USP24: variants seen among roughly 807,000 people sequenced by gnomAD.
USP24 encodes ubiquitin carboxyl-terminal hydrolase 24.
A neutral mutation model predicts 361.6 loss-of-function variants in USP24; 97 were observed. That is an observed-to-expected ratio of 0.27 (90% CI 0.23 to 0.32). The LOEUF (loss-of-function observed/expected upper bound fraction) is 0.32. USP24 is among the 10% of genes least tolerant of loss of function. The pLI, the probability that USP24 is intolerant of heterozygous loss-of-function variation, is 1.00. For missense variants in USP24, 2,353 were observed against 3,165.6 expected (o/e 0.74, Z 6.16); for synonymous variants, 1,098 against 1,124.6 (o/e 0.98, Z 0.47).
At chr1:55,143,999 G>A (rs1646961653) in intron 21 of USP24, 128 bp downstream of exon 21, 1 of 688,926 alleles carries the variant, frequency 1.5e-6, no homozygotes, top group Non-Finnish European at 2.3e-6. Context: ...GAAGCTGGCA[G>A]TCAAGGAGAT....
chr1:55,089,316 G>A lies in USP24; in HGVS notation c.6668+311C>T, dbSNP rs554679283. Among the ~76,000 whole-genome samples, 16 of 152,248 alleles carry A rather than the reference G, an allele frequency of 1.1e-4. 1 individual carries two copies. In the East Asian group the frequency reaches 2.3e-3, roughly 22 times the overall value. ...TGTTTCTCTCTTTCCACCAGATTCC[G>A]AGTCCCTGAGGGAAGAGACTTGCGT... On this transcript the variant is annotated intron_variant, in intron 55 of 67. Transcript: ENST00000294383.
At chr1:55,153,077 G>T (rs6697806) in intron 16 of USP24, among the ~76,000 whole-genome samples, 1,812 of 152,252 alleles carry the variant, frequency 0.012, 40 homozygotes, top group African/African-American at 0.042. Flanking sequence ...CCAGTGCTAG[G>T]CTTTAAGTTT....
intron 39 of USP24, among the ~76,000 whole-genome samples, chr1:55,108,383 G>A (rs1645851525): frequency 6.6e-6 from 1 of 152,198 alleles, no homozygotes; most frequent in African/African-American, 2.4e-5. Flanking sequence ...TGAGAAGCAA[G>A]CAGGGTCTCC....
At chr1:55,199,641 CAG>C (rs56724147) in intron 1 of USP24, among the ~76,000 whole-genome samples, 2 of 139,216 alleles carry the variant, frequency 1.4e-5, no homozygotes, top group Non-Finnish European at 3.1e-5. Context: ...GAGAGACAGA[CAG>C]AGAGAGAAGC....
intron 16 of USP24, among the ~76,000 whole-genome samples, 198 bp downstream of exon 16, chr1:55,153,672 A>AT (rs1351801159): frequency 3.9e-5 from 6 of 151,968 alleles, no homozygotes; most frequent in African/African-American, 4.8e-5. Flanking sequence ...GTGATCCTAG[A>AT]TTTTTTTTCC....
chr1:55,080,746 C>T (rs185406939), intron 59 of USP24, among the ~76,000 whole-genome samples: 2 of 152,192 alleles, frequency 1.3e-5, no homozygotes, highest in East Asian at 1.9e-4. Context: ...TCATATAGGA[C>T]AATTTGTGGT....
intron 55 of USP24, 178 bp from the exon 56 acceptor site, chr1:55,086,216 C>G (rs1011983117): frequency 1.6e-6 from 1 of 614,658 alleles, no homozygotes; most frequent in Non-Finnish European, 2.9e-6. Context: ...TTCCTGCTAA[C>G]TGTAATGCCA....
At chr1:55,157,649 A>G (rs1287418721) in intron 10 of USP24, among the ~76,000 whole-genome samples, 1 of 152,104 alleles carries the variant, frequency 6.6e-6, no homozygotes, top group East Asian at 1.9e-4. Context: ...CCTGGCCAAC[A>G]TGGAGAAACC....
intron 39 of USP24, among the ~76,000 whole-genome samples, chr1:55,108,001 G>A (rs969918068): frequency 6.6e-6 from 1 of 152,064 alleles, no homozygotes; most frequent in African/African-American, 2.4e-5. Context: ...CATATGCTGA[G>A]GCTATAAGAT....
chr1:55,177,218 T>C (rs77127599), intron 2 of USP24, among the ~76,000 whole-genome samples: 5,488 of 152,320 alleles, frequency 0.036, 100 homozygotes, highest in African/African-American at 0.044. Context: ...CAGATTTGTG[T>C]CTGGCACAAT....
intron 63 of USP24, 64 bp from the exon 64 acceptor site, chr1:55,073,970 A>G (rs1452345795): frequency 1.1e-5 from 15 of 1,324,832 alleles, no homozygotes; most frequent in Non-Finnish European, 1.6e-5. Flanking sequence ...TCCAAGTGAC[A>G]ACAAGCTCTC....
In USP24 at chr1:55,172,406, G is replaced by C. The variant is rs765558698; in HGVS notation, c.673C>G (p.Pro225Ala). 5 of 1,612,852 alleles carry C rather than the reference G, an allele frequency of 3.1e-6. No homozygotes were observed. In the South Asian group the frequency reaches 5.5e-5, roughly 18 times the overall value. The change falls in exon 4 of 68, where the codon CCC (proline) becomes GCC (alanine). Residue 225 changes from proline to alanine, a missense_variant. By Grantham distance (27) the Pro-to-Ala change is conservative. Coordinates refer to ENST00000294383, the MANE Select transcript of USP24 (RefSeq NM_015306.3). ...GTAAGCACACCCAGGAGACCAGTGG[G>C]AATTGGATCTTGTTTTATTCTCTCT... ...VAERIKQDPI[P>A]TGLLGVLTMA...
At position 55,162,215 on chromosome 1, in the gene USP24, T is replaced by C. The variant is rs985517176; in HGVS notation, c.977A>G (p.Asn326Ser). The C allele has an allele frequency of 3.6e-5, 57 of 1,595,942 alleles. No individual in the cohort carries two copies. Among genetic ancestry groups the C allele is most frequent in the Non-Finnish European group, 4.3e-5 (50 of 1,172,620 alleles). Residue 326 changes from asparagine to serine, a missense_variant, in exon 8 of 68, where the codon AAT (asparagine) becomes AGT (serine). Asn to Ser is a conservative substitution (Grantham distance 46). Transcript: ENST00000294383. ...QPLGVCAEYLNSSVVQPMLDP... is the reference protein window; with the variant it reads ...QPLGVCAEYLSSSVVQPMLDP... ...TAATCCTACCTGTACCACGGAGGAA[T>C]TGAGGTACTCTGCACACACTCCTAA...
intron 53 of USP24, 27 bp from the exon 54 acceptor site, chr1:55,092,153 T>A: frequency 6.7e-7 from 1 of 1,501,650 alleles, no homozygotes. Context: ...TGAAAGAGGA[T>A]ATTTTTCACA....
Position 55,142,964 on chromosome 1 carries a change from T to G in USP24, c.2580+15A>C, listed in dbSNP as rs969412804. On this transcript the variant is annotated intron_variant, in intron 22 of 67. Coordinates refer to ENST00000294383, the MANE Select transcript of USP24 (RefSeq NM_015306.3). ...CTTTTTTGTATATGGATAACTTCTT[T>G]CCTTAGATACCTACCTTCTTTAATC... is the stretch of plus-strand genomic sequence containing the variant. 6.7e-7 allele frequency: 1 copy of G among 1,488,614 alleles called. No homozygotes were observed. The highest frequency in any genetic ancestry group is 9.0e-7 in the Non-Finnish European group (1 of 1,106,898). The allele number at this position is 1,488,614 out of a possible 1,614,324, so 92.2% of individuals were successfully genotyped here.
chr1:55,193,283 G>GT (rs760294659), intron 1 of USP24, among the ~76,000 whole-genome samples: 29 of 152,222 alleles, frequency 1.9e-4, no homozygotes, highest in Non-Finnish European at 3.7e-4. Context: ...GAGCATTTCG[G>GT]TATCTGTGGG....
rs1052508985 is a variant in USP24, at chr1:55,067,543, GA to G, written c.*1501del. On this transcript the variant is annotated 3_prime_UTR_variant, in exon 68 of 68. Coordinates refer to ENST00000294383, the MANE Select transcript of USP24 (RefSeq NM_015306.3). Reference sequence around the variant, plus strand: ...ACAGAAACCCTCACTGCCAGAGAATGAAAAGACTGGGCCATGGCGAGAGCAC... The same window carrying G: ...ACAGAAACCCTCACTGCCAGAGAATGAAAGACTGGGCCATGGCGAGAGCAC... 1.3e-5 allele frequency: 2 copies of G among 152,222 alleles called. No individual in the cohort carries two copies. The highest frequency in any genetic ancestry group is 2.4e-5 in the African/African-American group (1 of 41,442). The allele number at this position is 152,222 out of a possible 1,614,324, so 9.4% of individuals were successfully genotyped here.
intron 38 of USP24, among the ~76,000 whole-genome samples, chr1:55,118,366 T>A (rs1222936463): frequency 1.3e-5 from 2 of 152,200 alleles, no homozygotes; most frequent in African/African-American, 2.4e-5. Context: ...AGGATAGTAT[T>A]TTTAAAAAGG....
intron 32 of USP24, among the ~76,000 whole-genome samples, chr1:55,126,272 C>T (rs1224938038): frequency 2.6e-5 from 4 of 152,230 alleles, no homozygotes; most frequent in African/African-American, 4.8e-5. Context: ...CATGGGTGTG[C>T]GCTGGCTGCT....
Sources: gnomAD v4.1 joint callset for allele counts (sites outside exome capture counted in the v4.1 genomes callset) on GRCh38, gnomAD v4.1.1 for gene constraint, MANE v1.5 for transcripts, NCBI Gene and HGNC (gene_info 2026-07-23, HGNC 2026-07-21) for gene names.